Variants in ARHGAP19 observed in about 807,000 individuals in gnomAD.
ARHGAP19 encodes the protein Rho GTPase activating protein 19.
A neutral mutation model predicts 60.9 loss-of-function variants in ARHGAP19; 48 were observed. The observed-to-expected ratio is 0.79, with a 90% CI of 0.62 to 1.00. ARHGAP19 has a LOEUF of 1.00. Among genes scored for constraint, ARHGAP19 ranks in the 50% least tolerant of loss-of-function variants. ARHGAP19 has a pLI of 0.00. For synonymous variants in ARHGAP19, 209 were observed against 215.5 expected (o/e 0.97, Z 0.27); for missense variants, 562 against 597.2 (o/e 0.94, Z 0.61).
At chr10:97,228,699 T>A (rs1267418462) in intron 11 of ARHGAP19, among the ~76,000 whole-genome samples, 1 of 152,176 alleles carries the variant, frequency 6.6e-6, no homozygotes, top group Non-Finnish European at 1.5e-5. Context: ...ATATGCTGTA[T>A]GATATGACTT....
chr10:97,250,612 A>T (rs1177629638), intron 6 of ARHGAP19, among the ~76,000 whole-genome samples: 1 of 151,690 alleles, frequency 6.6e-6, no homozygotes, highest in Non-Finnish European at 1.5e-5. Flanking sequence ...TCCTGACCTC[A>T]GGTGATCCAC....
rs1209570701 is a variant in ARHGAP19, at chr10:97,259,425, G to A, written c.817C>T (p.Pro273Ser). Residue 273 changes from proline to serine, a missense_variant, in exon 5 of 12, where the codon CCC (proline) becomes TCC (serine). By Grantham distance (74) the Pro-to-Ser change is moderately conservative. Coordinates refer to ENST00000358531, the MANE Select transcript of ARHGAP19 (RefSeq NM_032900.6). ...SAYNLALMFA[P>S]HVLWPKNVTA... ...ACATTTTTTGGCCACAGGACATGGG[G>A]TGCAAACATAAGGGCAAGGTTATAG... The A allele has an allele frequency of 6.2e-7, 1 of 1,614,016 alleles. No individual in the cohort carries two copies. Among genetic ancestry groups the A allele is most frequent in the Non-Finnish European group, 8.5e-7 (1 of 1,180,010 alleles).
intron 1 of ARHGAP19, among the ~76,000 whole-genome samples, chr10:97,283,427 G>A (rs1428316405): frequency 6.6e-6 from 1 of 151,864 alleles, no homozygotes; most frequent in Non-Finnish European, 1.5e-5. Context: ...GGTGGCGCAT[G>A]CCTGTAGTCC....
intron 6 of ARHGAP19, among the ~76,000 whole-genome samples, chr10:97,249,701 C>T (rs778006742): frequency 6.6e-6 from 1 of 151,706 alleles, no homozygotes; most frequent in Non-Finnish European, 1.5e-5. Context: ...GTATGAAATA[C>T]ATTCTTAGGA....
intron 6 of ARHGAP19, among the ~76,000 whole-genome samples, chr10:97,251,280 G>T (rs1233750522): frequency 6.2e-4 from 19 of 30,724 alleles, no homozygotes; most frequent in South Asian, 2.0e-3. Flanking sequence ...GGGAAGGGAA[G>T]GGAAAAAGGA....
intron 9 of ARHGAP19, among the ~76,000 whole-genome samples, chr10:97,230,823 T>G (rs1039801682): frequency 2.6e-5 from 4 of 152,088 alleles, no homozygotes; most frequent in African/African-American, 9.7e-5. Context: ...CTCAGCACTT[T>G]GGGACGCTGA....
chr10:97,248,270 C>T (rs1391127645), intron 6 of ARHGAP19, among the ~76,000 whole-genome samples: 6 of 151,880 alleles, frequency 4.0e-5, no homozygotes, highest in African/African-American at 1.5e-4. Context: ...AAAAATTAGC[C>T]GGGTGTGGTG....
chr10:97,280,412 A>T (rs1157788207), intron 1 of ARHGAP19, among the ~76,000 whole-genome samples: 1 of 151,938 alleles, frequency 6.6e-6, no homozygotes, highest in Non-Finnish European at 1.5e-5. Context: ...CCATCTCAAA[A>T]ATAATAATAA....
At chr10:97,239,981 A>G (rs924032107) in intron 8 of ARHGAP19, among the ~76,000 whole-genome samples, 8 of 152,104 alleles carry the variant, frequency 5.3e-5, no homozygotes, top group African/African-American at 1.9e-4. Context: ...TGCTGGGGTT[A>G]CAGGCATGAG....
intron 1 of ARHGAP19, among the ~76,000 whole-genome samples, chr10:97,279,022 CTCTT>C (rs2134915632): frequency 6.6e-6 from 1 of 152,324 alleles, no homozygotes; most frequent in South Asian, 2.1e-4. Context: ...AATGCCCTCT[CTCTT>C]ACTGCTTTTT....
intron 1 of ARHGAP19, among the ~76,000 whole-genome samples, chr10:97,280,276 G>A (rs1336155787): frequency 4.6e-5 from 7 of 151,998 alleles, no homozygotes; most frequent in African/African-American, 1.7e-4. Context: ...GGGTGTGGTG[G>A]TGCACACCTG....
intron 8 of ARHGAP19, among the ~76,000 whole-genome samples, chr10:97,240,196 C>T (rs1036133236): frequency 2.0e-5 from 3 of 150,682 alleles, no homozygotes; most frequent in Non-Finnish European, 3.0e-5. Flanking sequence ...CACGTAGCAG[C>T]CAAAAAAATA....
At chr10:97,267,595 C>T (rs555742452) in intron 1 of ARHGAP19, among the ~76,000 whole-genome samples, 7 of 152,380 alleles carry the variant, frequency 4.6e-5, no homozygotes, top group Non-Finnish European at 8.8e-5. Flanking sequence ...CCCTGCAGCA[C>T]ACCTCTGCCT....
chr10:97,257,659 A>G (rs1020039279), intron 5 of ARHGAP19, among the ~76,000 whole-genome samples: 2 of 152,090 alleles, frequency 1.3e-5, no homozygotes, highest in Admixed American at 1.3e-4. Context: ...TGGTTCTAAA[A>G]TTCCTTCATT....
chr10:97,227,007 G>T (rs1850909292), intron 11 of ARHGAP19, among the ~76,000 whole-genome samples: 1 of 152,214 alleles, frequency 6.6e-6, no homozygotes, highest in African/African-American at 2.4e-5. Flanking sequence ...ACTGGGGGAA[G>T]GATGCTCCCA....
intron 5 of ARHGAP19, among the ~76,000 whole-genome samples, chr10:97,257,264 T>C (rs1842767592): frequency 6.6e-6 from 1 of 150,496 alleles, no homozygotes; most frequent in Non-Finnish European, 1.5e-5. Context: ...TGTTACTTTA[T>C]CTGTTTGCTT....
chr10:97,228,381 T>G (rs2134801425), intron 11 of ARHGAP19, among the ~76,000 whole-genome samples: 1 of 152,362 alleles, frequency 6.6e-6, no homozygotes, highest in South Asian at 2.1e-4. Flanking sequence ...GTTAATGATT[T>G]AACAATGACA....
intron 4 of ARHGAP19, among the ~76,000 whole-genome samples, chr10:97,261,233 T>C (rs1025900012): frequency 6.6e-6 from 1 of 152,162 alleles, no homozygotes; most frequent in African/African-American, 2.4e-5. Flanking sequence ...ATGATTACAG[T>C]GTGTTATTTA....
intron 9 of ARHGAP19, among the ~76,000 whole-genome samples, chr10:97,230,803 C>T (rs777270413): frequency 8.5e-5 from 13 of 152,134 alleles, no homozygotes; most frequent in Admixed American, 1.3e-4. Context: ...CGGTGGCTCA[C>T]GCCTGTAATC....
Sources: gnomAD v4.1 joint callset for allele counts (sites outside exome capture counted in the v4.1 genomes callset) on GRCh38, gnomAD v4.1.1 for gene constraint, MANE v1.5 for transcripts, NCBI Gene and HGNC (gene_info 2026-07-23, HGNC 2026-07-21) for gene names.